NFRKB: variants seen among roughly 807,000 people sequenced by gnomAD.
NFRKB encodes nuclear factor related to kappaB binding protein.
A neutral mutation model predicts 135.7 loss-of-function variants in NFRKB; 62 were observed. That is an observed-to-expected ratio of 0.46 (90% confidence interval 0.37 to 0.56). NFRKB has a LOEUF of 0.56. Among genes scored for constraint, NFRKB ranks in the 20% least tolerant of loss-of-function variants. NFRKB has a pLI of 0.00. For synonymous variants in NFRKB, 678 were observed against 635.6 expected, an observed-to-expected ratio of 1.07 and a Z score of -1.00; for missense variants, 1,545 against 1,662.0, an observed-to-expected ratio of 0.93 and a Z score of 1.22.
intron 3 of NFRKB, among the ~76,000 whole-genome samples, chr11:129,891,981 G>C (rs1175400093): frequency 1.3e-5 from 2 of 151,932 alleles, no homozygotes; most frequent in African/African-American, 4.8e-5. Flanking sequence ...CAATCTTCTG[G>C]TTTTAGTAGA....
chr11:129,878,386 T>C lies in NFRKB; in HGVS notation c.1465-31A>G, dbSNP rs555429376. ...GAAAAAGAAAACGTTGACAGGTAAATGGACTAAAGAATTTGGGCAAACTTA... is the reference window on the plus strand; with the variant it reads ...GAAAAAGAAAACGTTGACAGGTAAACGGACTAAAGAATTTGGGCAAACTTA... On this transcript the variant is annotated intron_variant, in intron 14 of 26. Coordinates refer to ENST00000682444, the MANE Select transcript of NFRKB (RefSeq NM_001143835.2). 4.3e-6 allele frequency: 7 copies of C among 1,613,888 alleles called. No individual in the cohort carries two copies. In the East Asian group the frequency reaches 8.9e-5, roughly 21 times the overall value.
chr11:129,884,481 T>C lies in NFRKB; in HGVS notation c.742+264A>G, dbSNP rs370209838. On this transcript the variant is annotated intron_variant, in intron 7 of 26. Coordinates refer to ENST00000682444, the MANE Select transcript of NFRKB (RefSeq NM_001143835.2). Reference sequence around the variant, plus strand: ...CGCTTACCGCACTGCCCCTTCGTACTACTGTTTCAAGATTTTGCTTTCTTT... The same window carrying C: ...CGCTTACCGCACTGCCCCTTCGTACCACTGTTTCAAGATTTTGCTTTCTTT... Among the ~76,000 whole-genome samples the C allele has an allele frequency of 1.2e-4, 19 of 152,362 alleles. No homozygotes were observed. The South Asian group carries it at 3.9e-3, about 32-fold the overall frequency.
chr11:129,891,446 C>G (rs1200596719), intron 3 of NFRKB, among the ~76,000 whole-genome samples: 1 of 152,164 alleles, frequency 6.6e-6, no homozygotes, highest in Non-Finnish European at 1.5e-5. Flanking sequence ...TAATGATCAG[C>G]TCATTCAGAT....
At chr11:129,870,397 G>A (rs1487705176) in intron 23 of NFRKB, 136 bp from the exon 24 acceptor site, 4 of 992,284 alleles carry the variant, frequency 4.0e-6, no homozygotes, top group Non-Finnish European at 5.8e-6. Flanking sequence ...AACATTCACA[G>A]AAGTAGAGAA....
chr11:129,883,274 A>C, intron 8 of NFRKB, 68 bp from the exon 9 acceptor site: 2 of 1,132,214 alleles, frequency 1.8e-6, no homozygotes, highest in Admixed American at 3.5e-5. Flanking sequence ...TGACTTTGCC[A>C]ATTTATGTAA....
chr11:129,888,802 G>C lies in NFRKB; in HGVS notation c.136-7C>G. On this transcript the variant is annotated splice_region_variant and splice_polypyrimidine_tract_variant and intron_variant, in intron 3 of 26. Transcript: ENST00000682444. ...CATCAAAGAAGATCTCAGGCTAGGA[G>C]AAATAGGAAAAGTAAACAAAAGTAA... 6.2e-7 allele frequency: 1 copy of C among 1,606,352 alleles called. No individual in the cohort carries two copies. The highest frequency in any genetic ancestry group is 8.5e-7 in the Non-Finnish European group (1 of 1,174,700).
At chr11:129,881,576 T>C in intron 12 of NFRKB, 68 bp from the exon 13 acceptor site, 1 of 1,601,094 alleles carries the variant, frequency 6.2e-7, no homozygotes, top group Non-Finnish European at 8.5e-7. Context: ...AGCTTTTGAG[T>C]GTTCCACAAT....
chr11:129,872,360 C>T (rs1375944798), intron 23 of NFRKB, among the ~76,000 whole-genome samples: 1 of 152,136 alleles, frequency 6.6e-6, no homozygotes, highest in Non-Finnish European at 1.5e-5. Context: ...TCCATTTCTC[C>T]ACCTGTAAAT....
chr11:129,883,391 C>G (rs900739192), intron 8 of NFRKB, among the ~76,000 whole-genome samples, 185 bp from the exon 9 acceptor site: 7 of 152,184 alleles, frequency 4.6e-5, no homozygotes, highest in African/African-American at 1.7e-4. Flanking sequence ...TAACTTGATA[C>G]TGCTGCACAG....
chr11:129,876,518 A>G (rs929815246), intron 17 of NFRKB, among the ~76,000 whole-genome samples: 44 of 152,260 alleles, frequency 2.9e-4, no homozygotes, highest in African/African-American at 1.0e-3. Flanking sequence ...ATGAACATAA[A>G]TGTAAGCCCA....
At position 129,877,355 on chromosome 11, in the gene NFRKB, C is replaced by T. The variant is rs142024452; in HGVS notation, c.1542G>A (p.Thr514=). ...VRTDYVVRPS[T]GEEKRVFQEQ... ...CCTGAAAAACCCGTTTCTCCTCCCC[C>T]GTGCTGGGACGCACCACATAGTCAG... Residue 514 remains threonine (T), a synonymous_variant, in exon 16 of 27, where the codon ACG becomes ACA. Transcript: ENST00000682444. The T allele has an allele frequency of 1.3e-4, 213 of 1,614,156 alleles. 1 individual carries two copies. The Middle Eastern group carries it at 4.8e-3, about 36-fold the overall frequency.
intron 3 of NFRKB, among the ~76,000 whole-genome samples, chr11:129,889,150 T>C (rs758002140): frequency 7.9e-5 from 12 of 152,052 alleles, no homozygotes; most frequent in East Asian, 1.9e-4. Context: ...TTAGTAGAGA[T>C]AGGGTTTCAC....
intron 23 of NFRKB, 91 bp downstream of exon 23, chr11:129,872,793 T>C (rs1431091238): frequency 7.8e-7 from 1 of 1,278,892 alleles, no homozygotes; most frequent in East Asian, 2.3e-5. Flanking sequence ...CTTCTTCCCA[T>C]GGGCATGCAG....
rs769607501 is a variant in NFRKB at position 129,878,296 on chromosome 11, G to A, written c.1511+13C>T. The A allele has an allele frequency of 6.2e-7, 1 of 1,613,810 alleles. No homozygotes were observed. Among genetic ancestry groups the A allele is most frequent in the South Asian group, 1.1e-5 (1 of 91,050 alleles). On this transcript the variant is annotated intron_variant, in intron 15 of 26. Transcript: ENST00000682444. ...TCCCAGGACACCACCCACCACTACA[G>A]TATTGTACTCACACCCGAGGGACAG...
rs561095014 is a variant in NFRKB at position 129,870,019 on chromosome 11, T to A, written c.3006A>T (p.Thr1002=). 2 of 1,614,248 alleles carry A rather than the reference T, an allele frequency of 1.2e-6. No homozygotes were observed. Among genetic ancestry groups the A allele is most frequent in the African/African-American group, 2.7e-5 (2 of 75,074 alleles). ...QDLFGTGGNT[T]GKGISATLHV... is the part of the protein sequence containing the mutation. ...GTAAGGTGGCAGAGATGCCTTTGCC[T>A]GTAGTGTTGCCTCCTGTCCCGAAGA... The change falls in exon 24 of 27, where the codon ACA becomes ACT. Residue 1002 remains threonine, a synonymous_variant. Coordinates refer to ENST00000682444, the MANE Select transcript of NFRKB (RefSeq NM_001143835.2).
At position 129,863,716 on chromosome 11, in the gene NFRKB, T is replaced by A. The variant is rs1358658581; in HGVS notation, c.*1009A>T. On this transcript the variant is annotated 3_prime_UTR_variant, in exon 27 of 27. Coordinates refer to ENST00000682444, the MANE Select transcript of NFRKB (RefSeq NM_001143835.2). The stretch of plus-strand genomic sequence containing the variant: ...AGGGCCATCCAGTCTCTATGTCAAC[T>A]ACTCAATTCTGCCTTCGAATCTGAA... 1.3e-5 allele frequency: 2 copies of A among 152,372 alleles called. No homozygotes were observed. The highest frequency in any genetic ancestry group is 2.9e-5 in the Non-Finnish European group (2 of 68,134). 9.4% of individuals were successfully genotyped at this position (152,372 alleles called of 1,614,324 possible).
intron 18 of NFRKB, 55 bp downstream of exon 18, chr11:129,875,302 A>G: frequency 5.9e-6 from 8 of 1,366,266 alleles, no homozygotes; most frequent in East Asian, 2.4e-5. Context: ...TTTCCTGATA[A>G]GTTTTCTTAA....
chr11:129,889,951 C>CGCGTGTGTGTGTGTGTGTGTGT (rs1555094210), intron 3 of NFRKB, among the ~76,000 whole-genome samples: 1 of 135,286 alleles, frequency 7.4e-6, no homozygotes, highest in African/African-American at 2.8e-5. Context: ...TATTGTCTTA[C>CGCGTGTGTGTGTGTGTGTGTGT]GTGTGTGTGT....
intron 16 of NFRKB, 63 bp downstream of exon 16, chr11:129,877,262 C>A: frequency 2.7e-6 from 4 of 1,493,040 alleles, no homozygotes; most frequent in South Asian, 2.3e-5. Flanking sequence ...GAGAGTCAGG[C>A]TCAGAGCATC....
Sources: gnomAD v4.1 joint callset for allele counts (sites outside exome capture counted in the v4.1 genomes callset) on GRCh38, gnomAD v4.1.1 for gene constraint, MANE v1.5 for transcripts, NCBI Gene and HGNC (gene_info 2026-07-23, HGNC 2026-07-21) for gene names.